Variants in HS3ST5 observed in about 807,000 individuals in gnomAD.
The protein encoded by HS3ST5 is heparan sulfate-glucosamine 3-sulfotransferase 5.
A neutral mutation model predicts 25.4 loss-of-function variants in HS3ST5; 10 were observed. That is an observed-to-expected ratio of 0.39 (90% CI 0.24 to 0.67). The LOEUF is 0.67. HS3ST5 is among the 30% of genes least tolerant of loss of function. The probability of loss-of-function intolerance (pLI) is 0.44; values close to 1 mark genes in which losing one functional copy is unlikely to be tolerated. For synonymous variants in HS3ST5, 170 were observed against 162.4 expected (o/e 1.05, Z -0.36); for missense variants, 324 against 420.7 (o/e 0.77, Z 2.01).
At chr6:114,307,246 A>T (rs1775335044) in intron 1 of HS3ST5, among the ~76,000 whole-genome samples, 1 of 152,190 alleles carries the variant, frequency 6.6e-6, no homozygotes, top group African/African-American at 2.4e-5. Flanking sequence ...ACATCCTCTT[A>T]GTCATTACTC....
chr6:114,112,481 C>G (rs1205555516), intron 3 of HS3ST5: 1 of 152,210 alleles, frequency 6.6e-6, no homozygotes, highest in Non-Finnish European at 1.5e-5. Flanking sequence ...GACTTCTGAC[C>G]TGTAGCAAGG....
At chr6:114,254,585 G>A (rs553147052) in intron 1 of HS3ST5, among the ~76,000 whole-genome samples, 79 of 152,290 alleles carry the variant, frequency 5.2e-4, no homozygotes, top group East Asian at 1.2e-3. Context: ...AGACGTACCC[G>A]AGAGTGGGAA....
rs1438630016 is a variant in HS3ST5, at chr6:114,057,118, T to C, written c.*139A>G. 1.7e-6 allele frequency: 1 copy of C among 602,156 alleles called. No individual in the cohort carries two copies. The highest frequency in any genetic ancestry group is 2.8e-5 in the East Asian group (1 of 36,228). The allele number at this position is 602,156 out of a possible 1,614,324, so 37.3% of individuals were successfully genotyped here. ...AGTAGAAAAAGAACTGATCTTATATTTGGTCACACACTGCGTATGTACAAA... is the reference window on the plus strand; with the variant it reads ...AGTAGAAAAAGAACTGATCTTATATCTGGTCACACACTGCGTATGTACAAA... On this transcript the variant is annotated 3_prime_UTR_variant, in exon 5 of 5. Coordinates refer to ENST00000312719, the MANE Select transcript of HS3ST5 (RefSeq NM_153612.4).
intron 1 of HS3ST5, among the ~76,000 whole-genome samples, chr6:114,271,675 T>C (rs2114703034): frequency 6.6e-6 from 1 of 152,186 alleles, no homozygotes; most frequent in South Asian, 2.1e-4. Context: ...CCTCATTGCC[T>C]CCCACATGAT....
At position 114,206,387 on chromosome 6, in the gene HS3ST5, T is replaced by C. The variant is rs534547014; in HGVS notation, c.-145+22198A>G. ...AATGAAGCTAGCAAATTGCATCTTATTCATCTATAACATTGCTCAGTAATA... is the reference window on the plus strand; with the variant it reads ...AATGAAGCTAGCAAATTGCATCTTACTCATCTATAACATTGCTCAGTAATA... On this transcript the variant is annotated intron_variant, in intron 2 of 4. Coordinates refer to ENST00000312719, the MANE Select transcript of HS3ST5 (RefSeq NM_153612.4). 1.4e-4 allele frequency among the ~76,000 whole-genome samples: 22 copies of C among 152,302 alleles called. No individual in the cohort carries two copies. In the South Asian group the frequency reaches 4.4e-3, roughly 30 times the overall value.
intron 1 of HS3ST5, among the ~76,000 whole-genome samples, chr6:114,298,880 A>G (rs1047144478): frequency 3.9e-5 from 6 of 152,138 alleles, no homozygotes; most frequent in East Asian, 1.9e-4. Context: ...AGGAGTATGT[A>G]TGTCACCTCA....
chr6:114,103,269 A>G (rs557022086), intron 3 of HS3ST5, among the ~76,000 whole-genome samples: 1 of 152,224 alleles, frequency 6.6e-6, no homozygotes, highest in African/African-American at 2.4e-5. Flanking sequence ...TGAGCTCAGG[A>G]ATTAGAGATT....
chr6:114,133,653 A>G (rs1249593690), intron 3 of HS3ST5, among the ~76,000 whole-genome samples: 1 of 152,212 alleles, frequency 6.6e-6, no homozygotes, highest in African/African-American at 2.4e-5. Context: ...CATTGTTTTA[A>G]GCACCAAAAA....
At chr6:114,253,707 ATTAGTGTT>A (rs1772771250) in intron 1 of HS3ST5, among the ~76,000 whole-genome samples, 1 of 152,222 alleles carries the variant, frequency 6.6e-6, no homozygotes, top group Non-Finnish European at 1.5e-5. Flanking sequence ...ACGAGATTCA[ATTAGTGTT>A]TTAGGTCTTG....
At chr6:114,072,475 T>C (rs1308125541) in intron 3 of HS3ST5, among the ~76,000 whole-genome samples, 1 of 152,120 alleles carries the variant, frequency 6.6e-6, no homozygotes, top group East Asian at 1.9e-4. Context: ...AAAGCAAAGG[T>C]AATAAATTTG....
intron 1 of HS3ST5, among the ~76,000 whole-genome samples, chr6:114,341,356 A>G (rs1032587599): frequency 6.6e-6 from 1 of 151,948 alleles, no homozygotes; most frequent in Non-Finnish European, 1.5e-5. Context: ...GAAGCGGAAG[A>G]GTAGAGGAAA....
intron 1 of HS3ST5, among the ~76,000 whole-genome samples, chr6:114,256,577 AAG>A (rs1772935862): frequency 6.6e-6 from 1 of 152,182 alleles, no homozygotes; most frequent in South Asian, 2.1e-4. Flanking sequence ...AAAACATAGC[AAG>A]AGTCACATTT....
chr6:114,244,832 G>C (rs1445251455), intron 1 of HS3ST5, among the ~76,000 whole-genome samples: 1 of 152,076 alleles, frequency 6.6e-6, no homozygotes, highest in Non-Finnish European at 1.5e-5. Flanking sequence ...CACTTATGAG[G>C]GCTTTTAAAT....
chr6:114,256,900 G>GA (rs576646559), intron 1 of HS3ST5, among the ~76,000 whole-genome samples: 2 of 151,986 alleles, frequency 1.3e-5, no homozygotes, highest in Non-Finnish European at 2.9e-5. Context: ...AATTATTAAA[G>GA]AAAAAAAAGG....
chr6:114,217,739 C>A (rs1316849644), intron 2 of HS3ST5, among the ~76,000 whole-genome samples: 2 of 152,194 alleles, frequency 1.3e-5, no homozygotes, highest in African/African-American at 4.8e-5. Context: ...CAAGGTCACG[C>A]AGCTAGTAAG....
In HS3ST5 at chr6:114,252,639, G is replaced by GA. The variant is rs542278254; in HGVS notation, c.-338-23862dup. Among the ~76,000 whole-genome samples the GA allele has an allele frequency of 7.3e-3, 1,039 of 142,100 alleles. 3 individuals are homozygous for GA. The highest frequency in any genetic ancestry group is 0.013 in the East Asian group (64 of 4,930). The allele number at this position is 142,100 out of a possible 152,430, so 93.2% of individuals were successfully genotyped here. On this transcript the variant is annotated intron_variant, in intron 1 of 4. Coordinates refer to ENST00000312719, the MANE Select transcript of HS3ST5 (RefSeq NM_153612.4). ...AAAATGAAAAGCAATGCCTTCTTTTGAAAAAAAAAAAAGTCATCTACCTAT... is the reference window on the plus strand; with the variant it reads ...AAAATGAAAAGCAATGCCTTCTTTTGAAAAAAAAAAAAAGTCATCTACCTAT...
chr6:114,070,577 C>T (rs1679286544), intron 3 of HS3ST5, among the ~76,000 whole-genome samples: 1 of 152,222 alleles, frequency 6.6e-6, no homozygotes, highest in Admixed American at 6.5e-5. Flanking sequence ...TTAGCTGCCA[C>T]TTGTCACAGA....
intron 1 of HS3ST5, among the ~76,000 whole-genome samples, chr6:114,336,792 T>C (rs575270644): frequency 2.4e-3 from 363 of 152,292 alleles, no homozygotes; most frequent in Non-Finnish European, 4.0e-3. Flanking sequence ...TCAGAATTAT[T>C]GTGATTTTTT....
chr6:114,122,698 C>T (rs9387190), intron 3 of HS3ST5, among the ~76,000 whole-genome samples: 42,680 of 152,160 alleles, frequency 0.28, 6,722 homozygotes, highest in Admixed American at 0.4. Flanking sequence ...GAAGAACCAA[C>T]TATGCCTCCA....
Sources: gnomAD v4.1 joint callset for allele counts (sites outside exome capture counted in the v4.1 genomes callset) on GRCh38, gnomAD v4.1.1 for gene constraint, MANE v1.5 for transcripts, NCBI Gene and HGNC (gene_info 2026-07-23, HGNC 2026-07-21) for gene names.